The following CPLANE1 variants were observed in gnomAD, a reference collection of about 807,000 sequenced individuals.
CPLANE1 encodes the protein ciliogenesis and planar polarity effector 1.
In CPLANE1, 263 loss-of-function variants were observed where a neutral mutation model predicts 362.5. That is an observed-to-expected ratio of 0.73 (90% CI 0.66 to 0.80). The LOEUF (loss-of-function observed/expected upper bound fraction) is 0.80. Ranked by LOEUF, CPLANE1 falls within the 30% of genes least tolerant of loss-of-function variation. The pLI is 0.00. For synonymous variants in CPLANE1, 1,212 were observed against 1,302.6 expected (o/e 0.93, Z 1.50); for missense variants, 3,461 against 3,793.4 (o/e 0.91, Z 2.30).
chr5:37,174,761 G>A (rs1780700353), intron 31 of CPLANE1, among the ~76,000 whole-genome samples: 1 of 151,984 alleles, frequency 6.6e-6, no homozygotes, highest in South Asian at 2.1e-4. Flanking sequence ...ATTCCCATTT[G>A]GCAATAATAT....
chr5:37,218,525 G>C (rs1049148312), intron 15 of CPLANE1, among the ~76,000 whole-genome samples: 1 of 152,068 alleles, frequency 6.6e-6, no homozygotes, highest in African/African-American at 2.4e-5. Context: ...ATAAATCATA[G>C]CTATGAGTAC....
chr5:37,228,859 A>G (rs1290189950), intron 9 of CPLANE1, among the ~76,000 whole-genome samples: 3 of 152,232 alleles, frequency 2.0e-5, no homozygotes, highest in Admixed American at 1.3e-4. Context: ...TTAAAGGAGA[A>G]TATGAGAAAA....
chr5:37,219,058 C>G (rs1239755835), intron 15 of CPLANE1, among the ~76,000 whole-genome samples: 1 of 151,928 alleles, frequency 6.6e-6, no homozygotes, highest in African/African-American at 2.4e-5. Context: ...TAAAGACTAT[C>G]CTGTCATTTA....
chr5:37,118,256 A>T (rs958583807), intron 50 of CPLANE1, among the ~76,000 whole-genome samples: 1 of 151,936 alleles, frequency 6.6e-6, no homozygotes, highest in Non-Finnish European at 1.5e-5. Flanking sequence ...ATAAACAAAA[A>T]TTAGCTGGGC....
the CPLANE1 span, among the ~76,000 whole-genome samples, chr5:37,098,829 CA>C: frequency 5.6e-5 from 8 of 143,496 alleles, no homozygotes; most frequent in African/African-American, 2.1e-4. Context: ...AAATTTATTG[CA>C]ACACACAGAA....
rs61112118 is a variant in CPLANE1, at chr5:37,187,060, C to CAAAAAAAAAAAAAAAAAAA, written c.4080+335_4080+353dup. Among the ~76,000 whole-genome samples, 10 of 50,404 alleles carry CAAAAAAAAAAAAAAAAAAA rather than the reference C, an allele frequency of 2.0e-4. 2 individuals carry two copies. Among genetic ancestry groups the CAAAAAAAAAAAAAAAAAAA allele is most frequent in the African/African-American group, 8.2e-4 (9 of 11,002 alleles). 33.1% of individuals were successfully genotyped at this position (50,404 alleles called of 152,430 possible). A position where few individuals can be genotyped will look rare whatever the true frequency, so the allele number is the denominator to read the frequency against. On this transcript the variant is annotated intron_variant, in intron 23 of 52. Transcript: ENST00000651892. The stretch of plus-strand genomic sequence containing the variant: ...TGGGTGACAGAGCGAGACTCCGTCT[C>CAAAAAAAAAAAAAAAAAAA]AAAAAAAAAAAAAAAAAAAAAAAAA...
intron 26 of CPLANE1, among the ~76,000 whole-genome samples, chr5:37,181,431 T>C (rs1201195242): frequency 6.6e-6 from 1 of 152,178 alleles, no homozygotes; most frequent in African/African-American, 2.4e-5. Context: ...AAAATTTCCA[T>C]ATACATTACC....
intron 37 of CPLANE1, 63 bp from the exon 38 acceptor site, chr5:37,162,629 C>A: frequency 8.8e-7 from 1 of 1,141,810 alleles, no homozygotes; most frequent in South Asian, 1.3e-5. Context: ...AGGAGCCCAG[C>A]AGCACAGTAC....
chr5:37,242,990 G>A (rs1250494730), intron 6 of CPLANE1, 23 bp downstream of exon 6: 2 of 1,470,058 alleles, frequency 1.4e-6, no homozygotes, highest in African/African-American at 1.4e-5. Context: ...GTAAGAAAAG[G>A]AAGAAGAAAA....
At chr5:37,179,933 G>C in intron 28 of CPLANE1, 84 bp downstream of exon 28, 1 of 854,910 alleles carries the variant, frequency 1.2e-6, no homozygotes, top group Non-Finnish European at 1.8e-6. Context: ...TTAGGTATAA[G>C]ACTAAATAAG....
downstream of CPLANE1, among the ~76,000 whole-genome samples, chr5:37,102,786 C>A (rs552087451): frequency 2.4e-4 from 36 of 152,188 alleles, no homozygotes; most frequent in Admixed American, 2.0e-3. Context: ...GATTTCAGTT[C>A]TTTTGCATTT....
chr5:37,244,669 CATAA>C, intron 4 of CPLANE1, 62 bp from the exon 5 acceptor site: 12 of 893,108 alleles, frequency 1.3e-5, no homozygotes, highest in Non-Finnish European at 2.0e-5. Context: ...CAATAAAGTA[CATAA>C]TTTATGTATT....
rs1795349342 is a variant in CPLANE1 at position 37,221,506 on chromosome 5, C to T, written c.2582-18G>A. On this transcript the variant is annotated intron_variant, in intron 14 of 52. Transcript: ENST00000651892. ...TCTTCCTCCTGAAACAAGAAGTAAG[C>T]TCACCTTAAAAGTATGTAAGCAAAG... 3 of 1,471,402 alleles carry T rather than the reference C, an allele frequency of 2.0e-6. No individual in the cohort carries two copies. The highest frequency in any genetic ancestry group is 1.8e-6 in the Non-Finnish European group (2 of 1,114,678). The allele number at this position is 1,471,402 out of a possible 1,614,324, so 91.1% of individuals were successfully genotyped here.
Position 37,195,891 on chromosome 5 carries a change from G to A in CPLANE1, c.3778C>T (p.His1260Tyr), listed in dbSNP as rs768012177. 7 of 1,612,434 alleles carry A rather than the reference G, an allele frequency of 4.3e-6. No homozygotes were observed. Among genetic ancestry groups the A allele is most frequent in the Middle Eastern group, 1.7e-4 (1 of 6,046 alleles). The change falls in exon 21 of 53, where the codon CAC (histidine) becomes TAC (tyrosine). Residue 1260 changes from histidine to tyrosine, a missense_variant. Physicochemically the swap from His to Tyr is moderately conservative, Grantham distance 83 (BLOSUM62 2). This residue lies in a region of CPLANE1 where 3,380 missense variants were observed against 3,666.1 expected (regional missense o/e 0.92). Transcript: ENST00000651892. Reference sequence around the variant, plus strand: ...CTAATGGAAACTTCATCAAGCTTGTGGTCTCCAGCTGCTCCAGGTCTAAAA... The same window carrying A: ...CTAATGGAAACTTCATCAAGCTTGTAGTCTCCAGCTGCTCCAGGTCTAAAA... ...AFFRPGAAGD[H>Y]KLDEVSIRAI...
rs1374565310 is a variant in CPLANE1 at position 37,168,820 on chromosome 5, G to T, written c.7204C>A (p.Leu2402Ile). 6.2e-7 allele frequency: 1 copy of T among 1,613,372 alleles called. No homozygotes were observed. Among genetic ancestry groups the T allele is most frequent in the Non-Finnish European group, 8.5e-7 (1 of 1,179,738 alleles). ...EERKYPRLSL[L>I]HSHLSPENRC... ...TTTTCTGGGGACAAATGTGAATGAA[G>T]TAATGACAATCTTGGGTATTTTCTT... The change falls in exon 34 of 53, where the codon CTT becomes ATT. Residue 2402 changes from leucine (L) to isoleucine (I), a missense_variant. Physicochemically the swap from Leu to Ile is conservative, Grantham distance 5. This residue lies in a region of CPLANE1 where 3,380 missense variants were observed against 3,666.1 expected (regional missense o/e 0.92). Coordinates refer to ENST00000651892, the MANE Select transcript of CPLANE1 (RefSeq NM_001384732.1).
At chr5:37,181,044 C>A in intron 26 of CPLANE1, 39 bp from the exon 27 acceptor site, 2 of 1,524,166 alleles carry the variant, frequency 1.3e-6, no homozygotes, top group Non-Finnish European at 1.8e-6. Context: ...ATTTATTGAA[C>A]CCTTTATTTT....
chr5:37,191,994 A>G (rs1352369419), intron 21 of CPLANE1, among the ~76,000 whole-genome samples: 2 of 152,174 alleles, frequency 1.3e-5, no homozygotes, highest in African/African-American at 2.4e-5. Flanking sequence ...GAGGCCTTCA[A>G]ATTAACTCAC....
intron 46 of CPLANE1, among the ~76,000 whole-genome samples, chr5:37,132,584 A>G (rs301864): frequency 5.1e-4 from 77 of 151,856 alleles, no homozygotes; most frequent in Middle Eastern, 3.4e-3. Context: ...CTGACCTTGT[A>G]ATCCGCCCGC....
intron 44 of CPLANE1, chr5:37,141,028 C>T (rs1172729272): frequency 4.1e-6 from 4 of 985,274 alleles, no homozygotes; most frequent in Non-Finnish European, 4.8e-6. Context: ...TAAACAACCA[C>T]GTTCCCCCTC....
Sources: allele counts gnomAD v4.1 joint callset (sites outside exome capture counted in the v4.1 genomes callset), GRCh38; gene constraint gnomAD v4.1.1; regional missense constraint gnomAD v4.1.1; transcripts MANE v1.5; gene names NCBI Gene and HGNC (gene_info 2026-07-23, HGNC 2026-07-21).